The following PITX3 variants were observed in gnomAD, a reference collection of about 807,000 sequenced individuals.
The protein encoded by PITX3 is paired like homeodomain 3.
A neutral mutation model predicts 14.2 loss-of-function variants in PITX3; 4 were observed. The observed-to-expected ratio is 0.28, with a 90% CI of 0.14 to 0.65. The LOEUF (loss-of-function observed/expected upper bound fraction) is 0.65. Ranked by LOEUF, PITX3 falls within the 30% of genes least tolerant of loss-of-function variation. The probability of loss-of-function intolerance (pLI) is 0.82; values close to 1 mark genes in which losing one functional copy is unlikely to be tolerated. For missense variants in PITX3, 358 were observed against 426.8 expected (o/e 0.84, Z 1.42); for synonymous variants, 194 against 204.5 (o/e 0.95, Z 0.44).
Position 102,231,949 on chromosome 10 carries a change from G to A in PITX3, c.118+14C>T. ...GCTGTTATGTCCTGCACCCCCGGAA[G>A]GGGGCGCGCTTACCGCTGTGCTCCT... is the stretch of plus-strand genomic sequence containing the variant. On this transcript the variant is annotated intron_variant, in intron 2 of 3. Coordinates refer to ENST00000370002, the MANE Select transcript of PITX3 (RefSeq NM_005029.4). 1 of 1,600,204 alleles carries A rather than the reference G, an allele frequency of 6.2e-7. No individual in the cohort carries two copies. The highest frequency in any genetic ancestry group is 1.1e-5 in the South Asian group (1 of 90,864).
At chr10:102,235,179 A>C (rs61057264) in intron 1 of PITX3, among the ~76,000 whole-genome samples, 62,660 of 93,432 alleles carry the variant, frequency 0.67, 17,637 homozygotes, top group East Asian at 0.75. Context: ...CCCACCCCCC[A>C]CCCCCCCACC....
rs995794901 is a variant in PITX3, at chr10:102,240,419, G to A, written c.-13+914C>T. ...AGGCCAGGTTGTAGCCTTTACTCTC[G>A]CTCCCTGCTCACAGCTTCGCAGCCC... On this transcript the variant is annotated intron_variant, in intron 1 of 3. Coordinates refer to ENST00000370002, the MANE Select transcript of PITX3 (RefSeq NM_005029.4). 4.6e-5 allele frequency among the ~76,000 whole-genome samples: 7 copies of A among 152,204 alleles called. No homozygotes were observed. The South Asian group carries it at 8.3e-4, about 18-fold the overall frequency.
rs987418931 is a variant in PITX3 at position 102,231,849 on chromosome 10, T to C, written c.119-59A>G. 24 of 1,584,794 alleles carry C rather than the reference T, an allele frequency of 1.5e-5. No homozygotes were observed. In the African/African-American group the frequency reaches 3.0e-4, roughly 19 times the overall value. ...CCCAAGCCAGCGCATATTCTCCGGC[T>C]CGGGGACCTCCTAAGCCACTCGCTG... On this transcript the variant is annotated intron_variant, in intron 2 of 3. Transcript: ENST00000370002.
At chr10:102,235,855 C>A (rs893427534) in intron 1 of PITX3, among the ~76,000 whole-genome samples, 11 of 152,166 alleles carry the variant, frequency 7.2e-5, no homozygotes, top group Non-Finnish European at 1.2e-4. Context: ...AACACTCTGT[C>A]CTGAGCATAG....
chr10:102,230,888 C>G lies in PITX3; in HGVS notation c.535G>C (p.Val179Leu). The change falls in exon 4 of 4, where the codon GTG (valine) becomes CTG (leucine). Residue 179 changes from valine to leucine, a missense_variant. Physicochemically the swap from Val to Leu is conservative, Grantham distance 32. This residue lies in a region of PITX3 where 236 missense variants were observed against 250.2 expected (regional missense o/e 0.94). Transcript: ENST00000370002. ...TFPFAFNSVN[V>L]GPLASQPVFS... ...ACGGGCTGCGAAGCCAGAGGCCCCA[C>G]GTTGACCGAGTTGAAGGCGAATGGA... The G allele has an allele frequency of 1.2e-6, 2 of 1,610,462 alleles. No individual in the cohort carries two copies.
intron 1 of PITX3, among the ~76,000 whole-genome samples, chr10:102,235,326 G>C (rs976548429): frequency 2.0e-5 from 3 of 152,112 alleles, no homozygotes; most frequent in Admixed American, 6.5e-5. Context: ...GAGAATGCTG[G>C]AGCTAGAGGA....
At chr10:102,238,020 G>A (rs1354497518) in intron 1 of PITX3, among the ~76,000 whole-genome samples, 2 of 152,166 alleles carry the variant, frequency 1.3e-5, no homozygotes, top group African/African-American at 4.8e-5. Flanking sequence ...GGGCAGGGAA[G>A]AAATAGGAAA....
chr10:102,240,995 C>T (rs572593734), intron 1 of PITX3, among the ~76,000 whole-genome samples: 1 of 152,132 alleles, frequency 6.6e-6, no homozygotes, highest in Non-Finnish European at 1.5e-5. Flanking sequence ...CCCTTTCGCT[C>T]CCTGGCCGCC....
Position 102,231,888 on chromosome 10 carries a change from C to T in PITX3, c.118+75G>A, listed in dbSNP as rs891422629. Reference sequence around the variant, plus strand: ...AGCCACTCGCTGGCTCCCACCGGGGCTGCCCAGCCGGGGTCCCACCCGCAC... The same window carrying T: ...AGCCACTCGCTGGCTCCCACCGGGGTTGCCCAGCCGGGGTCCCACCCGCAC... On this transcript the variant is annotated intron_variant, in intron 2 of 3. Transcript: ENST00000370002. 70 of 1,562,206 alleles carry T rather than the reference C, an allele frequency of 4.5e-5. No individual in the cohort carries two copies. In the South Asian group the frequency reaches 4.9e-4, roughly 11 times the overall value.
At chr10:102,240,568 A>T (rs1590409074) in intron 1 of PITX3, among the ~76,000 whole-genome samples, 1 of 152,242 alleles carries the variant, frequency 6.6e-6, no homozygotes. Flanking sequence ...CCACCCAGCC[A>T]GGGACATTCT....
In PITX3 at chr10:102,231,797, G is replaced by A. The variant is rs775199712; in HGVS notation, c.119-7C>T. On this transcript the variant is annotated splice_polypyrimidine_tract_variant and splice_region_variant and intron_variant, in intron 2 of 3. Transcript: ENST00000370002. The stretch of plus-strand genomic sequence containing the variant: ...GCCGAGGCCTTTTCTGAGTCTGGGG[G>A]CCAGGGTGGGGGCAGGTCACAGAGC... 6.3e-7 allele frequency: 1 copy of A among 1,596,474 alleles called. No homozygotes were observed. The highest frequency in any genetic ancestry group is 8.5e-7 in the Non-Finnish European group (1 of 1,175,618).
Position 102,232,231 on chromosome 10 carries a change from T to C in PITX3, c.-12-139A>G, listed in dbSNP as rs964533319. On this transcript the variant is annotated intron_variant, in intron 1 of 3. Coordinates refer to ENST00000370002, the MANE Select transcript of PITX3 (RefSeq NM_005029.4). ...AAAGCTGGGGCTGCGTGGGGCTCCT[T>C]AGGATAGAATCGGGAAATAGCATCC... The C allele has an allele frequency of 9.5e-6, 6 of 633,158 alleles. No homozygotes were observed. The South Asian group carries it at 1.1e-4, about 11-fold the overall frequency. 39.2% of individuals were successfully genotyped at this position (633,158 alleles called of 1,614,324 possible).
At chr10:102,237,843 CTG>C (rs1391308857) in intron 1 of PITX3, among the ~76,000 whole-genome samples, 3 of 151,942 alleles carry the variant, frequency 2.0e-5, no homozygotes, top group South Asian at 2.1e-4. Flanking sequence ...CCTGTTTAGA[CTG>C]TGTGTCATGC....
chr10:102,231,255 T>G (rs2070226183), intron 3 of PITX3, among the ~76,000 whole-genome samples, 154 bp from the exon 4 acceptor site: 2 of 151,210 alleles, frequency 1.3e-5, no homozygotes, highest in Admixed American at 1.3e-4. Context: ...GCGCACGGAG[T>G]CCGGGGTCGG....
At chr10:102,239,078 A>G (rs1285392002) in intron 1 of PITX3, among the ~76,000 whole-genome samples, 1 of 152,132 alleles carries the variant, frequency 6.6e-6, no homozygotes, top group African/African-American at 2.4e-5. Context: ...GTCTTTTATT[A>G]TGCTGTAGAT....
rs1200820054 is a variant in PITX3, at chr10:102,231,590, G to T, written c.319C>A (p.Arg107=). ...VWTNLTEARV[R]VWFKNRRAKW... is the part of the protein sequence containing the mutation. ...AGTCGCGGGTCTGGAGAGCATACCC[G>T]CACGCGGGCCTCGGTGAGGTTGGTC... The change falls in exon 3 of 4, where the codon CGG becomes AGG. Residue 107 remains arginine (R), a splice_region_variant and synonymous_variant. Transcript: ENST00000370002. 4 of 1,592,212 alleles carry T rather than the reference G, an allele frequency of 2.5e-6. No individual in the cohort carries two copies. Among genetic ancestry groups the T allele is most frequent in the Middle Eastern group, 1.8e-4 (1 of 5,438 alleles).
At chr10:102,231,316 C>A (rs904203195) in intron 3 of PITX3, among the ~76,000 whole-genome samples, 1 of 151,956 alleles carries the variant, frequency 6.6e-6, no homozygotes, top group Admixed American at 6.6e-5. Flanking sequence ...CAGGGTCTGG[C>A]GGGACAGTAG....
chr10:102,240,797 C>T (rs1384087118), intron 1 of PITX3, among the ~76,000 whole-genome samples: 1 of 152,244 alleles, frequency 6.6e-6, no homozygotes, highest in Non-Finnish European at 1.5e-5. Context: ...CAGTCGCGGC[C>T]GGGCTCTCAC....
Position 102,231,013 on chromosome 10 carries a change from A to T in PITX3, c.410T>A (p.Leu137His). 1.9e-6 allele frequency: 3 copies of T among 1,597,612 alleles called. No individual in the cohort carries two copies. Among genetic ancestry groups the T allele is most frequent in the Non-Finnish European group, 2.6e-6 (3 of 1,174,230 alleles). Residue 137 changes from leucine (L) to histidine (H), a missense_variant, in exon 4 of 4, where the codon CTC becomes CAC. Around this residue, in one of 3 missense-constraint regions of PITX3, gnomAD observed 236 missense variants for 250.2 expected, o/e 0.94. Coordinates refer to ENST00000370002, the MANE Select transcript of PITX3 (RefSeq NM_005029.4). ...CTCGTAGGGCGGCACCAGCCCCCCG[A>T]GCGGCGCCGCGAAGCTGCCTTTGCA... ...ELCKGSFAAP[L>H]GGLVPPYEEV...
Sources: allele counts gnomAD v4.1 joint callset (sites outside exome capture counted in the v4.1 genomes callset), GRCh38; gene constraint gnomAD v4.1.1; regional missense constraint gnomAD v4.1.1; transcripts MANE v1.5; gene names NCBI Gene and HGNC (gene_info 2026-07-23, HGNC 2026-07-21).